TBC1D2B: variants seen among roughly 807,000 people sequenced by gnomAD.
TBC1D2B encodes the protein TBC1 domain family member 2B, also known as TBC1 domain family, member 2B.
In TBC1D2B, 64 loss-of-function variants were observed where a neutral mutation model predicts 100.8. The ratio of observed to expected loss-of-function variants is 0.64; its 90% CI spans 0.52 to 0.78. The LOEUF is 0.78. Among genes scored for constraint, TBC1D2B ranks in the 30% least tolerant of loss-of-function variants. The pLI is 0.00. For missense variants in TBC1D2B, 1,052 were observed against 1,218.4 expected (o/e 0.86, Z 2.03); for synonymous variants, 480 against 479.7 (o/e 1.00, Z -0.01).
In TBC1D2B at chr15:78,077,645, C is replaced by T; in HGVS notation, c.8G>A (p.Gly3Glu). Reference sequence around the variant, plus strand: ...GCCCTCCTCCGCCCGGGCTCCGGCCCCCGGCATCGCTACCGCGCGCCAACC... The same window carrying T: ...GCCCTCCTCCGCCCGGGCTCCGGCCTCCGGCATCGCTACCGCGCGCCAACC... MP[G>E]AGARAEEGGG... is the part of the protein sequence containing the mutation. Residue 3 changes from glycine (G) to glutamate (E), a missense_variant, in exon 1 of 13, where the codon GGG (glycine) becomes GAG (glutamate). Coordinates refer to ENST00000300584, the MANE Select transcript of TBC1D2B (RefSeq NM_144572.2). 1.0e-6 allele frequency: 1 copy of T among 990,942 alleles called. No individual in the cohort carries two copies. Among genetic ancestry groups the T allele is most frequent in the Non-Finnish European group, 1.2e-6 (1 of 834,086 alleles). The allele number at this position is 990,942 out of a possible 1,614,324, so 61.4% of individuals were successfully genotyped here. A position where few individuals can be genotyped will look rare whatever the true frequency, so the allele number is the denominator to read the frequency against.
At chr15:78,008,540 C>G (rs2072131566) in intron 10 of TBC1D2B, among the ~76,000 whole-genome samples, 1 of 152,242 alleles carries the variant, frequency 6.6e-6, no homozygotes, top group Non-Finnish European at 1.5e-5. Context: ...TCCCCATCCT[C>G]CTCCCTTCCT....
intron 2 of TBC1D2B, among the ~76,000 whole-genome samples, chr15:78,048,348 G>C (rs1035800647): frequency 2.0e-5 from 3 of 152,200 alleles, no homozygotes; most frequent in Admixed American, 1.3e-4. Context: ...CAGAGCTGCT[G>C]GCTTCTCCTC....
chr15:78,049,751 G>A (rs2073272528), intron 2 of TBC1D2B, among the ~76,000 whole-genome samples: 1 of 151,940 alleles, frequency 6.6e-6, no homozygotes, highest in Admixed American at 6.6e-5. Context: ...CTCTCTAGCA[G>A]GCTCCTCCGA....
chr15:78,049,642 C>A (rs1197002411), intron 2 of TBC1D2B, among the ~76,000 whole-genome samples: 1 of 152,126 alleles, frequency 6.6e-6, no homozygotes, highest in Non-Finnish European at 1.5e-5. Flanking sequence ...CCACATCAAT[C>A]CCTGTATTCA....
intron 1 of TBC1D2B, among the ~76,000 whole-genome samples, chr15:78,070,836 T>C (rs11632958): frequency 0.038 from 5,805 of 152,186 alleles, 161 homozygotes; most frequent in African/African-American, 0.072. Context: ...TTGTTTTTTG[T>C]TTTGAGACAG....
At chr15:78,024,645 GTAGAAACTTTAC>G (rs1366746459) in intron 5 of TBC1D2B, 106 bp from the exon 6 acceptor site, 1 of 1,099,332 alleles carries the variant, frequency 9.1e-7, no homozygotes, top group Non-Finnish European at 1.3e-6. Context: ...TTGAGGAAAT[GTAGAAACTTTAC>G]TGGAAACATT....
chr15:78,001,814 G>T, intron 11 of TBC1D2B, 74 bp from the exon 12 acceptor site: 1 of 1,506,976 alleles, frequency 6.6e-7, no homozygotes, highest in Non-Finnish European at 8.9e-7. Flanking sequence ...CTCCAGGGGG[G>T]TGCTGGCCCT....
At chr15:78,021,960 C>T (rs1675483940) in intron 6 of TBC1D2B, among the ~76,000 whole-genome samples, 1 of 152,216 alleles carries the variant, frequency 6.6e-6, no homozygotes, top group African/African-American at 2.4e-5. Context: ...CCGGGAAAAC[C>T]TGCTCCACAC....
At position 78,006,074 on chromosome 15, in the gene TBC1D2B, A is replaced by C. The variant is rs142587564; in HGVS notation, c.2389-2584T>G. 7.5e-4 allele frequency among the ~76,000 whole-genome samples: 114 copies of C among 152,246 alleles called. 1 individual carries two copies. The highest frequency in any genetic ancestry group is 3.4e-3 in the Middle Eastern group (1 of 294). On this transcript the variant is annotated intron_variant, in intron 10 of 12. Coordinates refer to ENST00000300584, the MANE Select transcript of TBC1D2B (RefSeq NM_144572.2). ...CATATGGGGAAACTGAGGCACAGAG[A>C]TGTTAAATGATGTGTCCAAGCTCCA...
Position 78,030,529 on chromosome 15 carries a change from G to A in TBC1D2B, c.684-359C>T, listed in dbSNP as rs189623666. On this transcript the variant is annotated intron_variant, in intron 3 of 12. Coordinates refer to ENST00000300584, the MANE Select transcript of TBC1D2B (RefSeq NM_144572.2). ...TCACCATGTTGGCCAGGCTGGGCTC[G>A]AACTCTTGACCTCAAGGTGATCTGC... is the stretch of plus-strand genomic sequence containing the variant. Among the ~76,000 whole-genome samples, 1,076 of 152,010 alleles carry A rather than the reference G, an allele frequency of 7.1e-3. 7 individuals are homozygous for A. Among genetic ancestry groups the A allele is most frequent in the Non-Finnish European group, 0.012 (786 of 67,976 alleles).
intron 3 of TBC1D2B, among the ~76,000 whole-genome samples, chr15:78,042,922 C>T (rs888820707): frequency 2.6e-5 from 4 of 152,102 alleles, no homozygotes; most frequent in Non-Finnish European, 5.9e-5. Context: ...AGCAAAAAGC[C>T]GATGAATGGG....
chr15:78,039,466 G>A (rs1276862643), intron 3 of TBC1D2B, among the ~76,000 whole-genome samples: 1 of 152,274 alleles, frequency 6.6e-6, no homozygotes, highest in African/African-American at 2.4e-5. Context: ...TGCAGGGCCC[G>A]CAGAAGACCT....
chr15:78,057,392 A>T (rs1048777339), intron 1 of TBC1D2B, among the ~76,000 whole-genome samples: 1 of 152,096 alleles, frequency 6.6e-6, no homozygotes, highest in Admixed American at 6.5e-5. Context: ...CTGTAATCTC[A>T]GCACTTTGGG....
chr15:78,009,223 A>G, intron 9 of TBC1D2B, 109 bp from the exon 10 acceptor site: 1 of 705,294 alleles, frequency 1.4e-6, no homozygotes, highest in Non-Finnish European at 2.4e-6. Context: ...GGCCAAAATT[A>G]TTTCTAGTTC....
chr15:78,046,121 G>C (rs999879743), intron 2 of TBC1D2B, among the ~76,000 whole-genome samples: 1 of 151,960 alleles, frequency 6.6e-6, no homozygotes. Context: ...TAGTACAGAC[G>C]AGGTTTCACC....
chr15:78,041,581 A>G (rs2073095678), intron 3 of TBC1D2B, among the ~76,000 whole-genome samples: 1 of 152,250 alleles, frequency 6.6e-6, no homozygotes, highest in Non-Finnish European at 1.5e-5. Flanking sequence ...ATTAAAAAAT[A>G]CAATTTTTGA....
chr15:78,025,166 CAGAA>C (rs2072627235), intron 5 of TBC1D2B, 89 bp downstream of exon 5: 1 of 1,096,484 alleles, frequency 9.1e-7, no homozygotes. Flanking sequence ...AAGCTGTCCC[CAGAA>C]AGACTCAGGG....
chr15:78,027,708 C>T (rs1487498435), intron 4 of TBC1D2B, among the ~76,000 whole-genome samples: 1 of 152,246 alleles, frequency 6.6e-6, no homozygotes, highest in African/African-American at 2.4e-5. Flanking sequence ...CCCAGTCCTG[C>T]TCACATTCAT....
intron 3 of TBC1D2B, among the ~76,000 whole-genome samples, chr15:78,035,715 A>T (rs1157122456): frequency 6.6e-6 from 1 of 152,218 alleles, no homozygotes; most frequent in Non-Finnish European, 1.5e-5. Flanking sequence ...AAGGGCACAG[A>T]GACGTATGTA....
Sources: allele counts gnomAD v4.1 joint callset (sites outside exome capture counted in the v4.1 genomes callset), GRCh38; gene constraint gnomAD v4.1.1; transcripts MANE v1.5; gene names NCBI Gene and HGNC (gene_info 2026-07-23, HGNC 2026-07-21).